Variants in EPB41L5 observed in about 807,000 individuals in gnomAD.
EPB41L5 encodes band 4.1-like protein 5.
In EPB41L5, 55 loss-of-function variants were observed where a neutral mutation model predicts 106.6. That is an observed-to-expected ratio of 0.52 (90% confidence interval 0.42 to 0.65). The LOEUF (loss-of-function observed/expected upper bound fraction) is 0.65. Among genes scored for constraint, EPB41L5 ranks in the 30% least tolerant of loss-of-function variants. The probability of loss-of-function intolerance (pLI) is 0.00; values close to 1 mark genes in which losing one functional copy is unlikely to be tolerated. For missense variants in EPB41L5, 871 were observed against 882.1 expected (o/e 0.99, Z 0.16); for synonymous variants, 297 against 306.7 (o/e 0.97, Z 0.33).
chr2:120,116,535 T>G (rs1034276957), intron 16 of EPB41L5, among the ~76,000 whole-genome samples: 4 of 152,086 alleles, frequency 2.6e-5, no homozygotes, highest in Non-Finnish European at 5.9e-5. Context: ...GGCGTTTTGT[T>G]TTTTGAGATA....
chr2:120,026,064 G>T (rs1345830235), intron 2 of EPB41L5, among the ~76,000 whole-genome samples: 1 of 152,120 alleles, frequency 6.6e-6, no homozygotes, highest in Non-Finnish European at 1.5e-5. Context: ...GGGGAAGTGG[G>T]ATTGCCATAT....
intron 2 of EPB41L5, among the ~76,000 whole-genome samples, chr2:120,025,227 G>A (rs879537304): frequency 7.2e-5 from 11 of 152,148 alleles, no homozygotes; most frequent in South Asian, 2.1e-4. Context: ...TCTTGGGAGG[G>A]TGTATGTGTC....
intron 5 of EPB41L5, among the ~76,000 whole-genome samples, chr2:120,074,660 C>T (rs111319124): frequency 6.6e-6 from 1 of 152,212 alleles, no homozygotes; most frequent in African/African-American, 2.4e-5. Context: ...TTAATGTTAT[C>T]CTGCCTCCTT....
At chr2:120,048,869 T>C (rs568116462) in intron 3 of EPB41L5, among the ~76,000 whole-genome samples, 1 of 152,324 alleles carries the variant, frequency 6.6e-6, no homozygotes, top group East Asian at 1.9e-4. Flanking sequence ...TGTTGTGTCT[T>C]TGTTCTCATT....
At chr2:120,045,275 T>C (rs964659357) in intron 3 of EPB41L5, among the ~76,000 whole-genome samples, 1 of 152,224 alleles carries the variant, frequency 6.6e-6, no homozygotes, top group Admixed American at 6.5e-5. Context: ...TCTTCTTATA[T>C]AGACATATAA....
At chr2:120,087,123 G>C in intron 10 of EPB41L5, 48 bp from the exon 11 acceptor site, 1 of 1,158,726 alleles carries the variant, frequency 8.6e-7, no homozygotes, top group East Asian at 2.4e-5. Flanking sequence ...TTCATATTTA[G>C]AGAACATTTG....
intron 10 of EPB41L5, among the ~76,000 whole-genome samples, chr2:120,080,006 C>T (rs188076394): frequency 1.3e-5 from 2 of 152,092 alleles, no homozygotes; most frequent in Admixed American, 1.3e-4. Context: ...GCTTAAATGC[C>T]TTAAAATGAT....
intron 22 of EPB41L5, among the ~76,000 whole-genome samples, chr2:120,167,217 A>C (rs548615167): frequency 6.6e-6 from 1 of 152,326 alleles, no homozygotes; most frequent in Non-Finnish European, 1.5e-5. Flanking sequence ...TAGATTCTTG[A>C]ATGGTAAATT....
At chr2:120,100,518 A>G (rs1684072639) in intron 15 of EPB41L5, among the ~76,000 whole-genome samples, 181 bp from the exon 16 acceptor site, 1 of 152,218 alleles carries the variant, frequency 6.6e-6, no homozygotes, top group Non-Finnish European at 1.5e-5. Context: ...GAATCCAAGA[A>G]CATAATTTAA....
At chr2:120,173,215 C>T (rs1231763386) in intron 24 of EPB41L5, among the ~76,000 whole-genome samples, 2 of 152,184 alleles carry the variant, frequency 1.3e-5, no homozygotes, top group East Asian at 3.8e-4. Context: ...TGAATTTTAA[C>T]ATCATCAAAA....
At chr2:120,173,233 T>C (rs144898367) in intron 24 of EPB41L5, among the ~76,000 whole-genome samples, 1 of 152,248 alleles carries the variant, frequency 6.6e-6, no homozygotes, top group East Asian at 1.9e-4. Flanking sequence ...AAATTGGTCA[T>C]ATAGCTGTGC....
Position 120,100,810 on chromosome 2 carries a change from A to G in EPB41L5, c.1333A>G (p.Lys445Glu). ...QSPGTDQHDR[K>E]CIPLNIDLLN... ...TCCTGGAACAGACCAGCATGACAGG[A>G]AATGGTTTGTTAATTCCTTAAACTA... Residue 445 changes from lysine to glutamate, a missense_variant, in exon 16 of 25, where the codon AAA becomes GAA. Coordinates refer to ENST00000263713, the MANE Select transcript of EPB41L5 (RefSeq NM_020909.4). 2.5e-6 allele frequency: 4 copies of G among 1,587,930 alleles called. No individual in the cohort carries two copies. In the South Asian group the frequency reaches 4.5e-5, roughly 18 times the overall value.
chr2:120,167,404 A>G (rs866060794), intron 22 of EPB41L5, 62 bp from the exon 23 acceptor site: 57 of 1,356,774 alleles, frequency 4.2e-5, no homozygotes, highest in African/African-American at 3.9e-4. Context: ...AGTAAGTATT[A>G]TAAGTATGAA....
intron 16 of EPB41L5, among the ~76,000 whole-genome samples, chr2:120,125,125 G>A (rs1363384990): frequency 6.6e-6 from 1 of 152,022 alleles, no homozygotes; most frequent in African/African-American, 2.4e-5. Context: ...GAGAGAAGAT[G>A]GTTTTCTTAT....
At chr2:120,147,617 T>C (rs1276626471) in intron 20 of EPB41L5, among the ~76,000 whole-genome samples, 2 of 116,294 alleles carry the variant, frequency 1.7e-5, no homozygotes, top group Admixed American at 1.0e-4. Flanking sequence ...AGAGCGAAAC[T>C]CTGTCTCAAA....
chr2:120,080,663 G>T (rs886811021), intron 10 of EPB41L5, among the ~76,000 whole-genome samples: 42 of 152,154 alleles, frequency 2.8e-4, no homozygotes, highest in Non-Finnish European at 5.7e-4. Context: ...TCTAGTTCTA[G>T]ATCCTTGAGG....
At chr2:120,087,281 C>G (rs748993574) in intron 11 of EPB41L5, 41 bp downstream of exon 11, 1 of 1,193,862 alleles carries the variant, frequency 8.4e-7, no homozygotes, top group Non-Finnish European at 1.2e-6. Flanking sequence ...GTAACAGTGA[C>G]TGTATTATGT....
intron 20 of EPB41L5, among the ~76,000 whole-genome samples, chr2:120,150,706 G>C (rs1039932547): frequency 2.6e-5 from 4 of 151,306 alleles, no homozygotes; most frequent in Admixed American, 6.6e-5. Flanking sequence ...TTTTAAATTG[G>C]GTTTACTTTA....
intron 24 of EPB41L5, among the ~76,000 whole-genome samples, chr2:120,168,892 T>G (rs1687538268): frequency 6.6e-6 from 1 of 152,250 alleles, no homozygotes; most frequent in Admixed American, 6.5e-5. Flanking sequence ...TTACATCTAG[T>G]AAAAGAGTGC....
Sources: allele counts gnomAD v4.1 joint callset (sites outside exome capture counted in the v4.1 genomes callset), GRCh38; gene constraint gnomAD v4.1.1; transcripts MANE v1.5; gene names NCBI Gene and HGNC (gene_info 2026-07-23, HGNC 2026-07-21).